KIRREL3: variants seen among roughly 807,000 people sequenced by gnomAD.
The protein encoded by KIRREL3 is kirre like nephrin family adhesion molecule 3.
A neutral mutation model predicts 89.7 loss-of-function variants in KIRREL3; 36 were observed. The ratio of observed to expected loss-of-function variants is 0.40; its 90% CI spans 0.31 to 0.53. KIRREL3 has a LOEUF of 0.53. Among genes scored for constraint, KIRREL3 ranks in the 20% least tolerant of loss-of-function variants. KIRREL3 has a pLI of 0.49. For missense variants in KIRREL3, 864 were observed against 1,056.6 expected (o/e 0.82, Z 2.53); for synonymous variants, 445 against 441.4 (o/e 1.01, Z -0.10).
intron 4 of KIRREL3, among the ~76,000 whole-genome samples, chr11:126,518,164 C>G (rs1202346876): frequency 1.3e-5 from 2 of 152,234 alleles, no homozygotes; most frequent in African/African-American, 4.8e-5. Flanking sequence ...CGAAGTTGCT[C>G]CTTGCCTGAT....
rs1943832095 is a variant in KIRREL3 at position 126,627,288 on chromosome 11, T to G, written c.56-64376A>C. Reference sequence around the variant, plus strand: ...GGATGCTGAGGATTCCTGGGGGAGATGAGGAAGGAGACAGAGGCTGGAGCA... The same window carrying G: ...GGATGCTGAGGATTCCTGGGGGAGAGGAGGAAGGAGACAGAGGCTGGAGCA... On this transcript the variant is annotated intron_variant, in intron 1 of 16. Coordinates refer to ENST00000525144, the MANE Select transcript of KIRREL3 (RefSeq NM_032531.4). This position sits in a 1 kb window ranked among gnomAD's most constrained non-coding sequence, Gnocchi z 5.0. 6.6e-6 allele frequency among the ~76,000 whole-genome samples: 1 copy of G among 151,934 alleles called. No homozygotes were observed. The highest frequency in any genetic ancestry group is 1.5e-5 in the Non-Finnish European group (1 of 67,994).
At chr11:126,793,787 CAG>C (rs1950719664) in intron 1 of KIRREL3, among the ~76,000 whole-genome samples, 1 of 152,190 alleles carries the variant, frequency 6.6e-6, no homozygotes, top group African/African-American at 2.4e-5. Flanking sequence ...ATGAGACACT[CAG>C]ATAAGGAACA....
At chr11:126,637,224 T>C (rs1160539801) in intron 1 of KIRREL3, among the ~76,000 whole-genome samples, 1 of 152,240 alleles carries the variant, frequency 6.6e-6, no homozygotes, top group African/African-American at 2.4e-5. Context: ...ACTGGTATGC[T>C]GAGTTTTGAT....
In KIRREL3 at chr11:126,635,209, G is replaced by T. The variant is rs1335249393; in HGVS notation, c.56-72297C>A. The stretch of plus-strand genomic sequence containing the variant: ...CTCTAGGCAGGCACAGCAAGTGTGG[G>T]CATTGCTTACTGCAGAGAGGCTTCC... On this transcript the variant is annotated intron_variant, in intron 1 of 16. Transcript: ENST00000525144. This position sits in a 1 kb window ranked among gnomAD's most constrained non-coding sequence, Gnocchi z 4.0. Among the ~76,000 whole-genome samples, 2 of 152,204 alleles carry T rather than the reference G, an allele frequency of 1.3e-5. No individual in the cohort carries two copies. The highest frequency in any genetic ancestry group is 2.9e-5 in the Non-Finnish European group (2 of 68,034).
intron 1 of KIRREL3, among the ~76,000 whole-genome samples, chr11:126,819,080 A>T (rs1951681272): frequency 6.6e-6 from 1 of 151,480 alleles, no homozygotes; most frequent in African/African-American, 2.4e-5. Context: ...GAGATATGTG[A>T]GTAGCTTTAG....
Position 126,471,221 on chromosome 11 carries a change from T to A in KIRREL3, c.591+2088A>T, listed in dbSNP as rs1027343399. Among the ~76,000 whole-genome samples, 3 of 151,172 alleles carry A rather than the reference T, an allele frequency of 2.0e-5. No individual in the cohort carries two copies. Among genetic ancestry groups the A allele is most frequent in the Non-Finnish European group, 4.4e-5 (3 of 67,846 alleles). ...AAAAATACAAAAAAAGAAAAAAAAA[T>A]TAGCTGGGCATGATGGCACACGCCT... is the stretch of plus-strand genomic sequence containing the variant. On this transcript the variant is annotated intron_variant, in intron 5 of 16. Coordinates refer to ENST00000525144, the MANE Select transcript of KIRREL3 (RefSeq NM_032531.4). This position sits in a 1 kb window ranked among gnomAD's most constrained non-coding sequence, Gnocchi z 5.4.
In KIRREL3 at chr11:126,830,309, C is replaced by T. The variant is rs944263394; in HGVS notation, c.55+170146G>A. On this transcript the variant is annotated intron_variant, in intron 1 of 16. Transcript: ENST00000525144. The surrounding 1 kb of genome is among the most constrained non-coding windows in gnomAD (Gnocchi z 4.9). Reference sequence around the variant, plus strand: ...TCATTAATAATATTTTGTTTGGGTTCCCACTTGCCACTTTCCATCCTCCTG... The same window carrying T: ...TCATTAATAATATTTTGTTTGGGTTTCCACTTGCCACTTTCCATCCTCCTG... Among the ~76,000 whole-genome samples the T allele has an allele frequency of 2.6e-5, 4 of 152,174 alleles. No individual in the cohort carries two copies. The highest frequency in any genetic ancestry group is 4.4e-5 in the Non-Finnish European group (3 of 68,028).
intron 1 of KIRREL3, among the ~76,000 whole-genome samples, chr11:126,573,427 A>G (rs1941077578): frequency 6.6e-6 from 1 of 152,090 alleles, no homozygotes; most frequent in Admixed American, 6.6e-5. Flanking sequence ...GATCTCCCCA[A>G]CAGCAGAGCC....
At chr11:126,447,843 G>C (rs538260233) in intron 8 of KIRREL3, among the ~76,000 whole-genome samples, 7 of 152,336 alleles carry the variant, frequency 4.6e-5, no homozygotes, top group Non-Finnish European at 1.5e-5. Flanking sequence ...AGGGCAAGGG[G>C]GAGGGCCAGA....
In KIRREL3 at chr11:126,515,342, C is replaced by T. The variant is rs553175480; in HGVS notation, c.433+5973G>A. Among the ~76,000 whole-genome samples the T allele has an allele frequency of 3.3e-5, 5 of 152,194 alleles. No homozygotes were observed. The highest frequency in any genetic ancestry group is 1.9e-4 in the East Asian group (1 of 5,176). On this transcript the variant is annotated intron_variant, in intron 4 of 16. Transcript: ENST00000525144. This position sits in a 1 kb window ranked among gnomAD's most constrained non-coding sequence, Gnocchi z 4.2. ...GTGCATGCCTGTGGTCTCAGCTACTCGGGAGGCTGAGGTGGGAGGATCGCT... is the reference window on the plus strand; with the variant it reads ...GTGCATGCCTGTGGTCTCAGCTACTTGGGAGGCTGAGGTGGGAGGATCGCT...
Position 126,522,203 on chromosome 11 carries a change from T to A in KIRREL3, c.284-739A>T, listed in dbSNP as rs1255555295. Among the ~76,000 whole-genome samples, 1 of 151,988 alleles carries A rather than the reference T, an allele frequency of 6.6e-6. No homozygotes were observed. Among genetic ancestry groups the A allele is most frequent in the Non-Finnish European group, 1.5e-5 (1 of 68,006 alleles). ...AGCACTGTGGTCTACCAAGCAGACATGCATTTTGATAAGATAGAGAGGAGA... is the reference window on the plus strand; with the variant it reads ...AGCACTGTGGTCTACCAAGCAGACAAGCATTTTGATAAGATAGAGAGGAGA... On this transcript the variant is annotated intron_variant, in intron 3 of 16. Coordinates refer to ENST00000525144, the MANE Select transcript of KIRREL3 (RefSeq NM_032531.4). This position sits in a 1 kb window ranked among gnomAD's most constrained non-coding sequence, Gnocchi z 6.0.
rs1955686883 is a variant in KIRREL3, at chr11:126,443,924, G to T, written c.1252+1055C>A. ...AGGGCAGTGGGCATGACAGAGGTGA[G>T]GGGGGAGCATTCGGAAACGGCAGAG... On this transcript the variant is annotated intron_variant, in intron 10 of 16. Transcript: ENST00000525144. This position sits in a 1 kb window ranked among gnomAD's most constrained non-coding sequence, Gnocchi z 7.3. Among the ~76,000 whole-genome samples, 1 of 152,158 alleles carries T rather than the reference G, an allele frequency of 6.6e-6. No individual in the cohort carries two copies. The highest frequency in any genetic ancestry group is 1.5e-5 in the Non-Finnish European group (1 of 68,032).
At chr11:126,884,926 C>T (rs951188843) in intron 1 of KIRREL3, among the ~76,000 whole-genome samples, 7 of 151,970 alleles carry the variant, frequency 4.6e-5, no homozygotes, top group Admixed American at 4.6e-4. Context: ...ACAGAGTCTG[C>T]AGAATTAAAC....
chr11:126,432,465 G>A lies in KIRREL3; in HGVS notation c.1589-939C>T, dbSNP rs1319064627. 6.6e-6 allele frequency among the ~76,000 whole-genome samples: 1 copy of A among 152,172 alleles called. No homozygotes were observed. The highest frequency in any genetic ancestry group is 2.4e-5 in the African/African-American group (1 of 41,450). ...GAACTAGAGAATGCTGGGGCAGGGA[G>A]AGCTTGGGGCTCTCACTGAGGTCCG... is the stretch of plus-strand genomic sequence containing the variant. On this transcript the variant is annotated intron_variant, in intron 13 of 16. Coordinates refer to ENST00000525144, the MANE Select transcript of KIRREL3 (RefSeq NM_032531.4). This position sits in a 1 kb window ranked among gnomAD's most constrained non-coding sequence, Gnocchi z 6.2.
At chr11:126,435,739 T>C (rs778404639) in intron 12 of KIRREL3, among the ~76,000 whole-genome samples, 1 of 152,146 alleles carries the variant, frequency 6.6e-6, no homozygotes, top group Non-Finnish European at 1.5e-5. Context: ...GACCCATAGG[T>C]GTGATCCTGG....
intron 11 of KIRREL3, among the ~76,000 whole-genome samples, chr11:126,438,340 T>A (rs902308544): frequency 1.3e-5 from 2 of 152,252 alleles, no homozygotes; most frequent in Non-Finnish European, 2.9e-5. Context: ...CACCTCATCG[T>A]GTAAGCGCCT....
rs1189830916 is a variant in KIRREL3 at position 126,491,545 on chromosome 11, G to A, written c.434-18079C>T. ...GTCGAGGTCTGGGGCAGGTAAGGAG[G>A]CCATATCAGGAACACCTGCCCATGT... On this transcript the variant is annotated intron_variant, in intron 4 of 16. Coordinates refer to ENST00000525144, the MANE Select transcript of KIRREL3 (RefSeq NM_032531.4). The surrounding 1 kb of genome is among the most constrained non-coding windows in gnomAD (Gnocchi z 5.5). 3.9e-5 allele frequency among the ~76,000 whole-genome samples: 6 copies of A among 152,250 alleles called. No homozygotes were observed. The highest frequency in any genetic ancestry group is 3.9e-4 in the Admixed American group (6 of 15,296).
rs185013746 is a variant in KIRREL3, at chr11:126,856,604, T to A, written c.55+143851A>T. Reference sequence around the variant, plus strand: ...ATATATATATATATATATGTATATATACACACAGACATATATTTTTTTTTT... The same window carrying A: ...ATATATATATATATATATGTATATAAACACACAGACATATATTTTTTTTTT... On this transcript the variant is annotated intron_variant, in intron 1 of 16. Transcript: ENST00000525144. Among the ~76,000 whole-genome samples the A allele has an allele frequency of 7.0e-3, 808 of 114,860 alleles. 9 individuals are homozygous for A. The highest frequency in any genetic ancestry group is 0.023 in the African/African-American group (723 of 31,826). The allele number at this position is 114,860 out of a possible 152,430, so 75.4% of individuals were successfully genotyped here.
rs1256920166 is a variant in KIRREL3, at chr11:126,704,713, C to T, written c.56-141801G>A. Among the ~76,000 whole-genome samples the T allele has an allele frequency of 6.6e-6, 1 of 152,188 alleles. No individual in the cohort carries two copies. The highest frequency in any genetic ancestry group is 2.4e-5 in the African/African-American group (1 of 41,452). On this transcript the variant is annotated intron_variant, in intron 1 of 16. Coordinates refer to ENST00000525144, the MANE Select transcript of KIRREL3 (RefSeq NM_032531.4). The surrounding 1 kb of genome is among the most constrained non-coding windows in gnomAD (Gnocchi z 4.2). ...TGATGCCCACGCTTCCAGGATGGCT[C>T]CTGGCTGTCTGCGTTAGCAGGTCAC...
Sources: allele counts gnomAD v4.1 joint callset (sites outside exome capture counted in the v4.1 genomes callset), GRCh38; gene constraint gnomAD v4.1.1; non-coding constraint Gnocchi (gnomAD v3.1); transcripts MANE v1.5; gene names NCBI Gene and HGNC (gene_info 2026-07-23, HGNC 2026-07-21).